GRIA4: variants seen among roughly 807,000 people sequenced by gnomAD.
The protein encoded by GRIA4 is glutamate receptor 4.
A neutral mutation model predicts 104.0 loss-of-function variants in GRIA4; 34 were observed. That is an observed-to-expected ratio of 0.33 (90% CI 0.25 to 0.44). The LOEUF is 0.44. Ranked by LOEUF, GRIA4 falls within the 20% of genes least tolerant of loss-of-function variation. The probability of loss-of-function intolerance (pLI) is 1.00; values close to 1 mark genes in which losing one functional copy is unlikely to be tolerated. For missense variants in GRIA4, 750 were observed against 1,096.5 expected, an observed-to-expected ratio of 0.68 and a Z score of 4.46; for synonymous variants, 386 against 381.9, an observed-to-expected ratio of 1.01 and a Z score of -0.13.
chr11:105,898,493 TAC>T, intron 7 of GRIA4, 66 bp downstream of exon 7: 1 of 999,498 alleles, frequency 1.0e-6, no homozygotes, highest in South Asian at 1.5e-5. Context: ...AAGTTTATTA[TAC>T]AGTTTTTCCA....
At chr11:105,838,571 G>T (rs1210249415) in intron 4 of GRIA4, among the ~76,000 whole-genome samples, 1 of 152,106 alleles carries the variant, frequency 6.6e-6, no homozygotes, top group Admixed American at 6.6e-5. Flanking sequence ...AAATCCCTGA[G>T]GACTTTTATT....
intron 3 of GRIA4, among the ~76,000 whole-genome samples, chr11:105,617,781 C>T (rs534497320): frequency 6.6e-6 from 1 of 152,112 alleles, no homozygotes; most frequent in South Asian, 2.1e-4. Context: ...GCTGGCAACA[C>T]AAAAACTTAT....
At chr11:105,833,385 A>G (rs1944054582) in intron 4 of GRIA4, among the ~76,000 whole-genome samples, 1 of 152,014 alleles carries the variant, frequency 6.6e-6, no homozygotes, top group Non-Finnish European at 1.5e-5. Flanking sequence ...ATTATTCAAC[A>G]TAATTATTAA....
intron 14 of GRIA4, among the ~76,000 whole-genome samples, chr11:105,969,323 A>C (rs1858559381): frequency 6.6e-6 from 1 of 152,210 alleles, no homozygotes; most frequent in African/African-American, 2.4e-5. Flanking sequence ...AAAAAACACT[A>C]AAGGAATCTA....
At chr11:105,873,625 G>T (rs1306242410) in intron 5 of GRIA4, among the ~76,000 whole-genome samples, 1 of 152,160 alleles carries the variant, frequency 6.6e-6, no homozygotes, top group Non-Finnish European at 1.5e-5. Flanking sequence ...TAACTGGCAT[G>T]AGATGGTATC....
intron 4 of GRIA4, among the ~76,000 whole-genome samples, chr11:105,847,365 A>G (rs1944637618): frequency 6.6e-6 from 1 of 152,156 alleles, no homozygotes; most frequent in Non-Finnish European, 1.5e-5. Context: ...CTAACAGGCC[A>G]GGGACCGGTA....
chr11:105,632,680 T>G (rs1444105751), intron 3 of GRIA4, among the ~76,000 whole-genome samples: 1 of 152,162 alleles, frequency 6.6e-6, no homozygotes, highest in Non-Finnish European at 1.5e-5. Flanking sequence ...CTGACTATAA[T>G]CCTAGTGCTT....
rs1951128201 is a variant in GRIA4, at chr11:105,634,431, GAGGAGAAAGGAAGGA to G, written c.247+22007_247+22021del. Reference sequence around the variant, plus strand: ...GAAAGGAAGGAAGGAGAAAGGAAGGGAGGAGAAAGGAAGGAAGGAGAAAGAAAGAAAGAAAGGGAA... The same window carrying G: ...GAAAGGAAGGAAGGAGAAAGGAAGGGAGGAGAAAGAAAGAAAGAAAGGGAA... On this transcript the variant is annotated intron_variant, in intron 3 of 16. Coordinates refer to ENST00000282499, the MANE Select transcript of GRIA4 (RefSeq NM_000829.4). 1.5e-5 allele frequency among the ~76,000 whole-genome samples: 2 copies of G among 137,364 alleles called. 1 individual carries two copies. The highest frequency in any genetic ancestry group is 4.5e-4 in the South Asian group (2 of 4,438). 90.1% of individuals were successfully genotyped at this position (137,364 alleles called of 152,430 possible).
intron 11 of GRIA4, among the ~76,000 whole-genome samples, chr11:105,923,854 AT>A: frequency 6.6e-6 from 1 of 152,262 alleles, no homozygotes; most frequent in South Asian, 2.1e-4. Flanking sequence ...CAAACAACGG[AT>A]TTTCTTTTAT....
chr11:105,742,592 GTA>G (rs763334090), intron 3 of GRIA4, among the ~76,000 whole-genome samples: 33 of 131,058 alleles, frequency 2.5e-4, no homozygotes, highest in Middle Eastern at 7.6e-3. Flanking sequence ...ACAAGTGTGA[GTA>G]TATATATATA....
At chr11:105,834,505 T>A (rs1944102367) in intron 4 of GRIA4, among the ~76,000 whole-genome samples, 2 of 152,010 alleles carry the variant, frequency 1.3e-5, no homozygotes, top group Admixed American at 6.6e-5. Flanking sequence ...ACATTTTGAC[T>A]CCACTAATTA....
At chr11:105,875,818 G>A (rs1438368829) in intron 5 of GRIA4, among the ~76,000 whole-genome samples, 1 of 151,658 alleles carries the variant, frequency 6.6e-6, no homozygotes, top group Non-Finnish European at 1.5e-5. Flanking sequence ...TTCTTTATTA[G>A]TCTAGCTAGT....
In GRIA4 at chr11:105,969,457, G is replaced by A. The variant is rs12419614; in HGVS notation, c.2295-2457G>A. Among the ~76,000 whole-genome samples, 4,922 of 152,124 alleles carry A rather than the reference G, an allele frequency of 0.032. 440 individuals are homozygous for A. In the East Asian group the frequency reaches 0.36, roughly 11 times the overall value. On this transcript the variant is annotated intron_variant, in intron 14 of 16. Transcript: ENST00000282499. ...GTGTTAATCTAATCCTCTAAAACCG[G>A]GTTACAGGTGTGAAATAGCAGAAAG...
chr11:105,920,590 T>A (rs1947532066), intron 11 of GRIA4, among the ~76,000 whole-genome samples: 1 of 152,120 alleles, frequency 6.6e-6, no homozygotes. Flanking sequence ...TGACCACATT[T>A]CATTCAGGGA....
Position 105,755,870 on chromosome 11 carries a change from G to A in GRIA4, c.487+2650G>A, listed in dbSNP as rs560391401. On this transcript the variant is annotated intron_variant, in intron 4 of 16. Coordinates refer to ENST00000282499, the MANE Select transcript of GRIA4 (RefSeq NM_000829.4). ...TCTTGATTCTCAGGCCTCTGGACTCGGACTGGTACTTATGCCATCCATCCT... is the reference window on the plus strand; with the variant it reads ...TCTTGATTCTCAGGCCTCTGGACTCAGACTGGTACTTATGCCATCCATCCT... 2.0e-4 allele frequency among the ~76,000 whole-genome samples: 31 copies of A among 152,162 alleles called. 1 individual carries two copies. The highest frequency in any genetic ancestry group is 6.7e-4 in the African/African-American group (28 of 41,506).
chr11:105,842,286 T>C (rs1261354054), intron 4 of GRIA4, among the ~76,000 whole-genome samples: 1 of 152,172 alleles, frequency 6.6e-6, no homozygotes, highest in Admixed American at 6.5e-5. Context: ...TCCTTTGCCC[T>C]GAGGGACATG....
chr11:105,884,756 G>T (rs560043256), intron 5 of GRIA4, among the ~76,000 whole-genome samples: 1 of 152,292 alleles, frequency 6.6e-6, no homozygotes, highest in African/African-American at 2.4e-5. Flanking sequence ...AAAATGCGTT[G>T]TATAAGCTTT....
chr11:105,711,992 ATCTTTC>A (rs1297766179), intron 3 of GRIA4, among the ~76,000 whole-genome samples: 3 of 152,168 alleles, frequency 2.0e-5, no homozygotes, highest in African/African-American at 4.8e-5. Flanking sequence ...ATGTCTAAAT[ATCTTTC>A]TCTTTCTCTC....
intron 3 of GRIA4, among the ~76,000 whole-genome samples, chr11:105,625,931 A>G (rs539666385): frequency 6.6e-6 from 1 of 152,252 alleles, no homozygotes; most frequent in Non-Finnish European, 1.5e-5. Flanking sequence ...ACCGTCCTCA[A>G]TCTTAATTCA....
Sources: gnomAD v4.1 joint callset for allele counts (sites outside exome capture counted in the v4.1 genomes callset) on GRCh38, gnomAD v4.1.1 for gene constraint, MANE v1.5 for transcripts, NCBI Gene and HGNC (gene_info 2026-07-23, HGNC 2026-07-21) for gene names.